The following SLC38A12 variants were observed in gnomAD, a reference collection of about 807,000 sequenced individuals.
SLC38A12 encodes the protein solute carrier family 38 member 12.
the SLC38A12 span, chr17:74,795,686 G>A: frequency 7.1e-7 from 1 of 1,403,276 alleles, no homozygotes. Context: ...CACAGCTGAG[G>A]GCATTTGAAG....
the SLC38A12 span, among the ~76,000 whole-genome samples, chr17:74,789,487 GC>G: frequency 1.1e-4 from 16 of 147,616 alleles, no homozygotes; most frequent in Non-Finnish European, 3.0e-5. Context: ...CTGAGATTGT[GC>G]CACTGCACTC....
At chr17:74,813,689 C>T in the SLC38A12 span, among the ~76,000 whole-genome samples, 10 of 151,814 alleles carry the variant, frequency 6.6e-5, no homozygotes, top group East Asian at 1.9e-4. Context: ...TTAGTAGAGA[C>T]GGGGTTTTGC....
chr17:74,788,942 C>A, the SLC38A12 span: 2 of 1,377,196 alleles, frequency 1.5e-6, no homozygotes, highest in African/African-American at 1.4e-5. Context: ...TCTCAGCAGC[C>A]CATTCTTTTC....
chr17:74,784,065 G>A, the SLC38A12 span, among the ~76,000 whole-genome samples: 1 of 151,428 alleles, frequency 6.6e-6, no homozygotes, highest in Non-Finnish European at 1.5e-5. Flanking sequence ...AATTGATGGA[G>A]TCTGGGAGAA....
At chr17:74,818,743 T>TGA in the SLC38A12 span, among the ~76,000 whole-genome samples, 1 of 152,212 alleles carries the variant, frequency 6.6e-6, no homozygotes, top group Non-Finnish European at 1.5e-5. Flanking sequence ...AATGGCACTG[T>TGA]GTAAATGTTA....
the SLC38A12 span, chr17:74,836,326 G>T: frequency 6.2e-7 from 1 of 1,612,898 alleles, no homozygotes; most frequent in Non-Finnish European, 8.5e-7. The surrounding 1 kb of genome is among the most constrained non-coding windows in gnomAD (Gnocchi z 4.2). Context: ...GTGACCCTGC[G>T]CAACAACTGG....
At chr17:74,812,483 A>C in the SLC38A12 span, among the ~76,000 whole-genome samples, 2 of 152,160 alleles carry the variant, frequency 1.3e-5, no homozygotes, top group African/African-American at 4.8e-5. Context: ...ACGTGTTGAA[A>C]GTTCACTTCC....
chr17:74,789,974 A>G, the SLC38A12 span, among the ~76,000 whole-genome samples: 1 of 132,650 alleles, frequency 7.5e-6, no homozygotes, highest in Non-Finnish European at 1.5e-5. Flanking sequence ...TTTTTTTGAG[A>G]CAGGGTCTTC....
the SLC38A12 span, among the ~76,000 whole-genome samples, chr17:74,820,726 G>C: frequency 6.6e-6 from 1 of 152,186 alleles, no homozygotes; most frequent in Non-Finnish European, 1.5e-5. Context: ...AGGAGCCAAG[G>C]CTGGGGCTCC....
chr17:74,808,976 G>T, the SLC38A12 span, among the ~76,000 whole-genome samples: 3 of 152,132 alleles, frequency 2.0e-5, no homozygotes, highest in Non-Finnish European at 2.9e-5. Context: ...TGCCTCCCAC[G>T]CACGGGCTCC....
the SLC38A12 span, among the ~76,000 whole-genome samples, chr17:74,826,885 C>T: frequency 6.6e-6 from 1 of 152,066 alleles, no homozygotes; most frequent in Admixed American, 6.6e-5. Context: ...TAGGCGGGGG[C>T]GTAAGAGGAG....
the SLC38A12 span, chr17:74,837,798 C>T: frequency 7.1e-6 from 7 of 985,826 alleles, no homozygotes; most frequent in African/African-American, 3.5e-5. Context: ...ACAGGTGACT[C>T]GAATGAACTC....
the SLC38A12 span, among the ~76,000 whole-genome samples, chr17:74,813,717 T>C: frequency 6.6e-6 from 1 of 152,108 alleles, no homozygotes; most frequent in African/African-American, 2.4e-5. Context: ...GCCAGGCTAG[T>C]CTTGAACTCC....
chr17:74,801,111 TAG>T, the SLC38A12 span, among the ~76,000 whole-genome samples: 1 of 152,184 alleles, frequency 6.6e-6, no homozygotes, highest in Non-Finnish European at 1.5e-5. Flanking sequence ...GCCTCCTTTA[TAG>T]GATGGCGACC....
the SLC38A12 span, chr17:74,838,711 C>T: frequency 5.6e-5 from 81 of 1,437,394 alleles, no homozygotes; most frequent in East Asian, 7.3e-4. Context: ...TCCTCTCCAT[C>T]GATGCCAGGC....
the SLC38A12 span, chr17:74,788,910 C>G: frequency 5.1e-6 from 8 of 1,580,054 alleles, no homozygotes; most frequent in African/African-American, 8.1e-5. Flanking sequence ...TGCCTCTGTT[C>G]CGTCAGGTAC....
At chr17:74,835,142 G>A in the SLC38A12 span, among the ~76,000 whole-genome samples, 1 of 152,198 alleles carries the variant, frequency 6.6e-6, no homozygotes, top group African/African-American at 2.4e-5. Context: ...TGGGGCCACA[G>A]GCCCCCTTCC....
At chr17:74,809,758 G>T in the SLC38A12 span, among the ~76,000 whole-genome samples, 3 of 152,314 alleles carry the variant, frequency 2.0e-5, no homozygotes, top group East Asian at 5.8e-4. Context: ...ATAAAAGAGA[G>T]CATCCATCCA....
chr17:74,838,407 C>T, the SLC38A12 span: 2 of 1,007,860 alleles, frequency 2.0e-6, no homozygotes, highest in Non-Finnish European at 2.4e-6. Flanking sequence ...TGGAACTACC[C>T]TTCTCCAATT....
Sources: allele counts gnomAD v4.1 joint callset (sites outside exome capture counted in the v4.1 genomes callset), GRCh38; gene constraint gnomAD v4.1.1; non-coding constraint Gnocchi (gnomAD v3.1); transcripts MANE v1.5; gene names NCBI Gene and HGNC (gene_info 2026-07-23, HGNC 2026-07-21).